Variants in ATP8B4 observed in about 807,000 individuals in gnomAD.
ATP8B4 encodes probable phospholipid-transporting ATPase IM.
Under a neutral mutation model 145.6 loss-of-function variants are expected in ATP8B4, and 133 were observed. The observed-to-expected ratio is 0.91, with a 90% CI of 0.79 to 1.05. The LOEUF (loss-of-function observed/expected upper bound fraction) is 1.05. ATP8B4 is among the 50% of genes least tolerant of loss of function. The pLI is 0.00. For missense variants in ATP8B4, 1,458 were observed against 1,425.2 expected (o/e 1.02, Z -0.37); for synonymous variants, 507 against 492.9 (o/e 1.03, Z -0.38).
intron 6 of ATP8B4, among the ~76,000 whole-genome samples, chr15:50,022,097 A>G (rs1030097984): frequency 6.6e-6 from 1 of 152,196 alleles, no homozygotes; most frequent in East Asian, 1.9e-4. Flanking sequence ...AAAGGAAAAA[A>G]GTGGAAAGCA....
intron 6 of ATP8B4, among the ~76,000 whole-genome samples, chr15:50,025,254 A>G (rs193251419): frequency 6.6e-6 from 1 of 152,190 alleles, no homozygotes; most frequent in South Asian, 2.1e-4. Flanking sequence ...CCCATGCAGC[A>G]GGTATGAGAT....
chr15:50,037,912 C>A (rs2050958178), intron 6 of ATP8B4, among the ~76,000 whole-genome samples: 1 of 152,152 alleles, frequency 6.6e-6, no homozygotes, highest in Non-Finnish European at 1.5e-5. Flanking sequence ...CCATGTATTG[C>A]CTAAGCTACC....
At chr15:50,026,789 G>C (rs1288675791) in intron 6 of ATP8B4, among the ~76,000 whole-genome samples, 1 of 152,120 alleles carries the variant, frequency 6.6e-6, no homozygotes, top group Non-Finnish European at 1.5e-5. Context: ...GGGGTAGAAA[G>C]ACAACAGAGG....
chr15:49,871,460 C>T (rs1054774754), intron 25 of ATP8B4, among the ~76,000 whole-genome samples: 3 of 152,172 alleles, frequency 2.0e-5, no homozygotes, highest in Admixed American at 2.0e-4. Flanking sequence ...TCTATAAAAG[C>T]AGCCCATAAT....
intron 2 of ATP8B4, among the ~76,000 whole-genome samples, chr15:50,075,279 AGAGGGAGAG>A (rs1263337566): frequency 6.6e-6 from 1 of 152,048 alleles, no homozygotes; most frequent in African/African-American, 2.4e-5. Flanking sequence ...AGGGAGATGA[AGAGGGAGAG>A]AAGGAAGGAA....
intron 23 of ATP8B4, among the ~76,000 whole-genome samples, chr15:49,894,697 G>A (rs2037200167): frequency 6.6e-6 from 1 of 152,192 alleles, no homozygotes; most frequent in African/African-American, 2.4e-5. Context: ...CCACAGTGGT[G>A]ATCAGGCTGC....
chr15:50,162,390 T>C (rs1220054215), intron 1 of ATP8B4, among the ~76,000 whole-genome samples: 1 of 151,958 alleles, frequency 6.6e-6, no homozygotes, highest in East Asian at 1.9e-4. Context: ...TTTTCTGTTA[T>C]TTCTCCCTTG....
At chr15:50,060,461 T>C (rs2052930097) in intron 3 of ATP8B4, among the ~76,000 whole-genome samples, 1 of 152,174 alleles carries the variant, frequency 6.6e-6, no homozygotes, top group African/African-American at 2.4e-5. Context: ...ATCTGAAAAG[T>C]GATTCCATGT....
rs192357970 is a variant in ATP8B4 at position 49,924,564 on chromosome 15, G to A, written c.1643-1070C>T. ...TTAATGTAATGCCAAAGAAAATGGC[G>A]TACAAAATTTAGTGCTTAATTTAAA... On this transcript the variant is annotated intron_variant, in intron 16 of 27. Coordinates refer to ENST00000284509, the MANE Select transcript of ATP8B4 (RefSeq NM_024837.4). Among the ~76,000 whole-genome samples the A allele has an allele frequency of 1.1e-3, 169 of 152,050 alleles. 2 individuals are homozygous for A. Among genetic ancestry groups the A allele is most frequent in the Middle Eastern group, 3.4e-3 (1 of 294 alleles).
intron 14 of ATP8B4, among the ~76,000 whole-genome samples, chr15:49,956,475 T>G (rs1440280226): frequency 2.0e-5 from 3 of 152,110 alleles, no homozygotes; most frequent in Non-Finnish European, 4.4e-5. Context: ...CCTAAAACCA[T>G]CCAGAGAAGA....
At chr15:50,128,668 G>C (rs965585368) in intron 1 of ATP8B4, among the ~76,000 whole-genome samples, 3 of 152,184 alleles carry the variant, frequency 2.0e-5, no homozygotes, top group Non-Finnish European at 4.4e-5. Flanking sequence ...AAAAGACTGT[G>C]GTTGGTAAAT....
At chr15:50,010,419 C>A (rs1397075248) in intron 7 of ATP8B4, among the ~76,000 whole-genome samples, 1 of 151,854 alleles carries the variant, frequency 6.6e-6, no homozygotes, top group Non-Finnish European at 1.5e-5. Flanking sequence ...AGAAACATAT[C>A]TTTTCTCTTT....
At chr15:49,991,203 A>G (rs1192189421) in intron 9 of ATP8B4, among the ~76,000 whole-genome samples, 1 of 152,174 alleles carries the variant, frequency 6.6e-6, no homozygotes, top group African/African-American at 2.4e-5. Flanking sequence ...TTTAACCAAA[A>G]AGAGATGCTT....
chr15:49,863,837 C>T (rs376115484), intron 26 of ATP8B4, among the ~76,000 whole-genome samples: 2 of 152,152 alleles, frequency 1.3e-5, no homozygotes, highest in Non-Finnish European at 2.9e-5. Flanking sequence ...TCCTGAAACC[C>T]CAATGTTGAT....
At chr15:49,876,589 A>C in intron 24 of ATP8B4, 66 bp from the exon 25 acceptor site, 1 of 1,589,618 alleles carries the variant, frequency 6.3e-7, no homozygotes, top group Non-Finnish European at 8.6e-7. Context: ...TGTATTCCCT[A>C]TCTTCAGAAA....
Position 49,862,097 on chromosome 15 carries a change from A to T in ATP8B4, c.3297+148T>A, listed in dbSNP as rs919787306. On this transcript the variant is annotated intron_variant, in intron 27 of 27. Coordinates refer to ENST00000284509, the MANE Select transcript of ATP8B4 (RefSeq NM_024837.4). ...GTACATTCAAGATGTGGGAAGTCCC[A>T]TCTATTCTGATGTGATCTCATGCAC... 1.5e-5 allele frequency: 15 copies of T among 995,856 alleles called. No individual in the cohort carries two copies. In the African/African-American group the frequency reaches 2.3e-4, roughly 15 times the overall value. The allele number at this position is 995,856 out of a possible 1,614,324, so 61.7% of individuals were successfully genotyped here. A position where few individuals can be genotyped will look rare whatever the true frequency, so the allele number is the denominator to read the frequency against.
At position 49,977,978 on chromosome 15, in the gene ATP8B4, G is replaced by A. The variant is rs562502461; in HGVS notation, c.1034+1639C>T. ...GTACCAAGACCAGAAACTGGGTTTGGACAATTATAAATACGTTTTCTGTCA... is the reference window on the plus strand; with the variant it reads ...GTACCAAGACCAGAAACTGGGTTTGAACAATTATAAATACGTTTTCTGTCA... On this transcript the variant is annotated intron_variant, in intron 12 of 27. Transcript: ENST00000284509. Among the ~76,000 whole-genome samples the A allele has an allele frequency of 7.2e-5, 11 of 152,140 alleles. No individual in the cohort carries two copies. In the South Asian group the frequency reaches 2.3e-3, roughly 32 times the overall value.
intron 3 of ATP8B4, among the ~76,000 whole-genome samples, chr15:50,052,070 C>T (rs2052227375): frequency 6.6e-6 from 1 of 152,186 alleles, no homozygotes; most frequent in Non-Finnish European, 1.5e-5. Context: ...TGTTTTTCAA[C>T]CAAAAGCAAA....
chr15:49,883,710 C>T (rs1405287754), intron 23 of ATP8B4, among the ~76,000 whole-genome samples: 2 of 152,050 alleles, frequency 1.3e-5, no homozygotes, highest in African/African-American at 4.8e-5. Flanking sequence ...GCTTATTTCA[C>T]ATTGCATGCC....
Sources: allele counts gnomAD v4.1 joint callset (sites outside exome capture counted in the v4.1 genomes callset), GRCh38; gene constraint gnomAD v4.1.1; transcripts MANE v1.5; gene names NCBI Gene and HGNC (gene_info 2026-07-23, HGNC 2026-07-21).